The following ADD3 variants were observed in gnomAD, a reference collection of about 807,000 sequenced individuals.
ADD3 encodes gamma-adducin.
Under a neutral mutation model 80.2 loss-of-function variants are expected in ADD3, and 25 were observed. The observed-to-expected ratio is 0.31, with a 90% CI of 0.23 to 0.44. The LOEUF (loss-of-function observed/expected upper bound fraction) is 0.44, where lower values mean the gene tolerates loss of function less well. Among genes scored for constraint, ADD3 ranks in the 20% least tolerant of loss-of-function variants. ADD3 has a pLI of 1.00. For missense variants in ADD3, 829 were observed against 847.5 expected, an observed-to-expected ratio of 0.98 and a Z score of 0.27; for synonymous variants, 284 against 289.6, an observed-to-expected ratio of 0.98 and a Z score of 0.20.
intron 1 of ADD3, among the ~76,000 whole-genome samples, chr10:110,024,910 C>T (rs1854100391): frequency 6.6e-6 from 1 of 151,320 alleles, no homozygotes; most frequent in Non-Finnish European, 1.5e-5. Context: ...CCCCAAACCA[C>T]TCAAGTTTCC....
In ADD3 at chr10:110,118,676, C is replaced by G. The variant is rs556333185; in HGVS notation, c.657C>G (p.Ile219Met). 1 of 1,614,084 alleles carries G rather than the reference C, an allele frequency of 6.2e-7. No homozygotes were observed. Among genetic ancestry groups the G allele is most frequent in the African/African-American group, 1.3e-5 (1 of 75,064 alleles). Residue 219 changes from isoleucine (I) to methionine (M), a missense_variant, in exon 6 of 15, where the codon ATC (isoleucine) becomes ATG (methionine). By Grantham distance (10) the Ile-to-Met change is conservative. Transcript: ENST00000356080. ...DHTGFSPHAAIYSTRPDVKCV... is the reference protein window; with the variant it reads ...DHTGFSPHAAMYSTRPDVKCV... ...CAGGATTCAGTCCCCATGCTGCAAT[C>G]TATTCAACACGTCCTGATGTTAAGT...
intron 9 of ADD3, among the ~76,000 whole-genome samples, chr10:110,123,677 G>C (rs1183688231): frequency 6.6e-6 from 1 of 152,160 alleles, no homozygotes; most frequent in Non-Finnish European, 1.5e-5. Flanking sequence ...TCAGACCCAG[G>C]AACAGAGACT....
intron 1 of ADD3, among the ~76,000 whole-genome samples, chr10:110,033,162 AAAG>A (rs1312699766): frequency 6.6e-6 from 1 of 152,342 alleles, no homozygotes; most frequent in Non-Finnish European, 1.5e-5. Flanking sequence ...GGCTTTACAA[AAAG>A]AAGATTTTGA....
At chr10:110,105,709 T>C (rs1232822782) in intron 2 of ADD3, among the ~76,000 whole-genome samples, 1 of 152,188 alleles carries the variant, frequency 6.6e-6, no homozygotes, top group Non-Finnish European at 1.5e-5. Context: ...TGCTGTAAGC[T>C]TATTTTGATG....
Position 110,134,632 on chromosome 10 carries a change from T to G in ADD3, c.*1014T>G, listed in dbSNP as rs1853462181. ...AAGAATGAAAGGGAAAGTGAAAAAT[T>G]AAGGGGACAAAAGATGGGATGTGAA... On this transcript the variant is annotated 3_prime_UTR_variant, in exon 15 of 15. Transcript: ENST00000356080. 2 of 152,520 alleles carry G rather than the reference T, an allele frequency of 1.3e-5. No individual in the cohort carries two copies. Among genetic ancestry groups the G allele is most frequent in the African/African-American group, 4.8e-5 (2 of 41,422 alleles). The allele number at this position is 152,520 out of a possible 1,614,324, so 9.4% of individuals were successfully genotyped here.
At chr10:110,115,534 A>G (rs1214203073) in intron 3 of ADD3, among the ~76,000 whole-genome samples, 2 of 152,172 alleles carry the variant, frequency 1.3e-5, no homozygotes, top group African/African-American at 4.8e-5. Context: ...TAAAATGAGA[A>G]AGAACATAGT....
Position 110,030,218 on chromosome 10 carries a change from G to A in ADD3, c.-30+21919G>A, listed in dbSNP as rs377004055. Among the ~76,000 whole-genome samples, 102 of 151,096 alleles carry A rather than the reference G, an allele frequency of 6.8e-4. 11 individuals are homozygous for A. The South Asian group carries it at 0.022, about 32-fold the overall frequency. On this transcript the variant is annotated intron_variant, in intron 1 of 14. Coordinates refer to ENST00000356080, the MANE Select transcript of ADD3 (RefSeq NM_016824.5). ...CATGCTTGTAATCCCAGCTACTAGG[G>A]AGGCTGAGGCAGGAGAATCACTTGA...
rs528699371 is a variant in ADD3, at chr10:110,094,673, C to T, written c.-29-5952C>T. On this transcript the variant is annotated intron_variant, in intron 1 of 14. Transcript: ENST00000356080. The stretch of plus-strand genomic sequence containing the variant: ...AATTTTGGCTAGCATTTAAAAGCAG[C>T]TCATGTCTTTTAGAACTTAAAATGA... Among the ~76,000 whole-genome samples, 13 of 152,228 alleles carry T rather than the reference C, an allele frequency of 8.5e-5. No individual in the cohort carries two copies. In the South Asian group the frequency reaches 2.3e-3, roughly 27 times the overall value.
At chr10:110,013,437 A>C (rs1429117426) in intron 1 of ADD3, among the ~76,000 whole-genome samples, 1 of 152,188 alleles carries the variant, frequency 6.6e-6, no homozygotes, top group Non-Finnish European at 1.5e-5. Flanking sequence ...TATGAAACTC[A>C]ATTTTTTCTG....
intron 1 of ADD3, among the ~76,000 whole-genome samples, chr10:110,036,192 C>T (rs535070518): frequency 1.3e-5 from 2 of 152,052 alleles, no homozygotes; most frequent in South Asian, 4.2e-4. Context: ...GTGGACTGTC[C>T]TGGAAGCTCT....
intron 1 of ADD3, among the ~76,000 whole-genome samples, chr10:110,068,125 A>G (rs1039303733): frequency 6.6e-6 from 1 of 152,094 alleles, no homozygotes; most frequent in Non-Finnish European, 1.5e-5. Context: ...TTTGGCTGCC[A>G]CAGTTACTTG....
intron 4 of ADD3, 66 bp from the exon 5 acceptor site, chr10:110,117,276 G>A (rs1488771940): frequency 9.3e-6 from 7 of 750,148 alleles, no homozygotes; most frequent in South Asian, 3.5e-5. Flanking sequence ...AAATATATTT[G>A]TAGTCATGTT....
chr10:109,998,214 T>C (rs1851417560), intron 1 of ADD3, among the ~76,000 whole-genome samples: 1 of 152,224 alleles, frequency 6.6e-6, no homozygotes, highest in Admixed American at 6.5e-5. Context: ...TTATCTGTTA[T>C]ACTACTTCTT....
chr10:110,105,956 T>C (rs1166129381), intron 2 of ADD3: 1 of 152,158 alleles, frequency 6.6e-6, no homozygotes. Context: ...AGAAAGACCA[T>C]CCAGAAGAAA....
chr10:110,111,643 C>T (rs937433863), intron 2 of ADD3, among the ~76,000 whole-genome samples: 11 of 152,158 alleles, frequency 7.2e-5, no homozygotes, highest in African/African-American at 2.4e-4. Context: ...TAGCCGGGCG[C>T]GGTGGCTCAC....
At chr10:110,043,240 T>A (rs1377858362) in intron 1 of ADD3, among the ~76,000 whole-genome samples, 1 of 152,244 alleles carries the variant, frequency 6.6e-6, no homozygotes, top group Non-Finnish European at 1.5e-5. Flanking sequence ...AGTATTTCTT[T>A]TAACTTGCAT....
At chr10:110,008,651 A>T (rs1323774889) in intron 1 of ADD3, among the ~76,000 whole-genome samples, 5 of 152,190 alleles carry the variant, frequency 3.3e-5, no homozygotes, top group African/African-American at 9.6e-5. Flanking sequence ...TACTGGCTGA[A>T]GCTTAGGTGA....
intron 12 of ADD3, 84 bp downstream of exon 12, chr10:110,126,587 C>G: frequency 9.9e-7 from 1 of 1,008,818 alleles, no homozygotes; most frequent in East Asian, 2.7e-5. Context: ...TTTATTTTTA[C>G]TAAGGTTAAT....
intron 1 of ADD3, among the ~76,000 whole-genome samples, chr10:110,040,121 T>C (rs1428634999): frequency 1.3e-5 from 2 of 152,216 alleles, no homozygotes; most frequent in Non-Finnish European, 2.9e-5. Context: ...TAGGGACTTC[T>C]TAGAGGTTGC....
Sources: allele counts gnomAD v4.1 joint callset (sites outside exome capture counted in the v4.1 genomes callset), GRCh38; gene constraint gnomAD v4.1.1; transcripts MANE v1.5; gene names NCBI Gene and HGNC (gene_info 2026-07-23, HGNC 2026-07-21).